HEATR4: variants seen among roughly 807,000 people sequenced by gnomAD.
The protein encoded by HEATR4 is HEAT repeat-containing protein 4.
A neutral mutation model predicts 108.8 loss-of-function variants in HEATR4; 95 were observed. The observed-to-expected ratio is 0.87, with a 90% CI of 0.74 to 1.04. HEATR4 has a LOEUF of 1.04. Ranked by LOEUF, HEATR4 falls within the 50% of genes least tolerant of loss-of-function variation. The pLI is 0.00. For missense variants in HEATR4, 1,152 were observed against 1,253.8 expected, an observed-to-expected ratio of 0.92 and a Z score of 1.23; for synonymous variants, 443 against 459.4, an observed-to-expected ratio of 0.96 and a Z score of 0.46.
chr14:73,563,192 A>C (rs1335501746), upstream of HEATR4, among the ~76,000 whole-genome samples: 2 of 108,554 alleles, frequency 1.8e-5, no homozygotes, highest in East Asian at 3.0e-4. Context: ...TACTGTCTCT[A>C]TTTGTCAGCC....
At chr14:73,546,958 G>T in intron 1 of HEATR4, among the ~76,000 whole-genome samples, 1 of 106,120 alleles carries the variant, frequency 9.4e-6, no homozygotes, top group Admixed American at 1.2e-4. Context: ...GTGGTGGCAT[G>T]TGCCTGTAAT....
chr14:73,487,210 G>A (rs1885487453), intron 17 of HEATR4, among the ~76,000 whole-genome samples: 1 of 147,532 alleles, frequency 6.8e-6, no homozygotes, highest in Non-Finnish European at 1.5e-5. Flanking sequence ...AGAAAGGTAA[G>A]CAATGCTTAA....
At chr14:73,589,451 C>T in the HEATR4 span, among the ~76,000 whole-genome samples, 1 of 152,146 alleles carries the variant, frequency 6.6e-6, no homozygotes, top group Admixed American at 6.5e-5. Context: ...TCCCAGGTAG[C>T]TGAGACTACA....
At chr14:73,501,669 G>A (rs1886472729) in intron 11 of HEATR4, among the ~76,000 whole-genome samples, 1 of 149,714 alleles carries the variant, frequency 6.7e-6, no homozygotes, top group Non-Finnish European at 1.5e-5. Context: ...GGACTTCCTG[G>A]ACCCAGGCAG....
In HEATR4 at chr14:73,495,379, T is replaced by C. The variant is rs1886055263; in HGVS notation, c.2634A>G (p.Thr878=). 8 of 1,613,054 alleles carry C rather than the reference T, an allele frequency of 5.0e-6. No homozygotes were observed. Among genetic ancestry groups the C allele is most frequent in the Non-Finnish European group, 6.8e-6 (8 of 1,179,338 alleles). ...MLQEIKNRIK[T]LSQKDLLTHK... The stretch of plus-strand genomic sequence containing the variant: ...GTGTCAGCAAGTCCTTTTGGCTTAG[T>C]GTTTTAATCTAAATTAGAACAAATA... The change falls in exon 16 of 18, where the codon ACA becomes ACG. Residue 878 remains threonine, a synonymous_variant. Transcript: ENST00000553558.
the HEATR4 span, chr14:73,568,244 G>C: frequency 2.0e-5 from 3 of 151,978 alleles, no homozygotes; most frequent in Non-Finnish European, 4.4e-5. Context: ...GGCAAACACA[G>C]GTTTTGTGGG....
chr14:73,523,172 T>C lies in HEATR4; in HGVS notation c.-20A>G. 2 of 1,552,798 alleles carry C rather than the reference T, an allele frequency of 1.3e-6. No individual in the cohort carries two copies. Among genetic ancestry groups the C allele is most frequent in the South Asian group, 2.3e-5 (2 of 85,510 alleles). On this transcript the variant is annotated 5_prime_UTR_variant, in exon 3 of 18. Transcript: ENST00000553558. The stretch of plus-strand genomic sequence containing the variant: ...GGTCATACCGCGTCCCAGCAAATGC[T>C]TCCTTCCACACTGCCTGGCCTAGAG...
chr14:73,506,804 G>GTTTTTTTTTTTTTTGTTTTTTTT (rs1268314395), intron 9 of HEATR4, among the ~76,000 whole-genome samples: 7 of 80,492 alleles, frequency 8.7e-5, no homozygotes, highest in African/African-American at 2.0e-4. Flanking sequence ...GACTTTAACT[G>GTTTTTTTTTTTTTTGTTTTTTTT]TTTTTTTTTT....
At chr14:73,541,841 T>A (rs1889098131) in intron 1 of HEATR4, 1 of 581,850 alleles carries the variant, frequency 1.7e-6, no homozygotes, top group Admixed American at 4.0e-5. Flanking sequence ...TATAGACAGT[T>A]TCTTTCTTTC....
the HEATR4 span, among the ~76,000 whole-genome samples, chr14:73,613,532 A>G: frequency 6.6e-6 from 1 of 152,152 alleles, no homozygotes; most frequent in African/African-American, 2.4e-5. Flanking sequence ...AACACACACA[A>G]AACTGCCTGA....
the HEATR4 span, chr14:73,569,633 C>A: frequency 6.2e-7 from 1 of 1,602,098 alleles, no homozygotes; most frequent in East Asian, 2.2e-5. Context: ...CCGCGCTGGG[C>A]GGCAGCTTCG....
the HEATR4 span, chr14:73,574,952 T>TGA: frequency 6.2e-7 from 1 of 1,604,076 alleles, no homozygotes; most frequent in Non-Finnish European, 8.5e-7. Context: ...CCAAAGGGGG[T>TGA]GAGCTCTGCC....
the HEATR4 span, among the ~76,000 whole-genome samples, chr14:73,588,297 G>A: frequency 4.6e-5 from 7 of 152,088 alleles, no homozygotes; most frequent in East Asian, 1.9e-4. Flanking sequence ...ACCGAGCCCG[G>A]CCTATCTCTC....
At chr14:73,603,271 G>A in the HEATR4 span, among the ~76,000 whole-genome samples, 1 of 152,180 alleles carries the variant, frequency 6.6e-6, no homozygotes, top group African/African-American at 2.4e-5. Flanking sequence ...AAATAATTTG[G>A]CAAACCTAAT....
the HEATR4 span, chr14:73,591,819 A>T: frequency 1.3e-6 from 1 of 768,174 alleles, no homozygotes. Context: ...CTGAAGTCCC[A>T]GGGGCTTTCT....
At chr14:73,513,179 C>G (rs1198001077) in intron 6 of HEATR4, among the ~76,000 whole-genome samples, 4 of 152,232 alleles carry the variant, frequency 2.6e-5, no homozygotes, top group Non-Finnish European at 5.9e-5. Flanking sequence ...ATAGGGTCGC[C>G]TGGGTGCAGT....
At chr14:73,570,295 C>A in the HEATR4 span, among the ~76,000 whole-genome samples, 3 of 151,770 alleles carry the variant, frequency 2.0e-5, no homozygotes, top group Non-Finnish European at 4.4e-5. Flanking sequence ...AAGGGCCAGG[C>A]GCAGTGGCTC....
In HEATR4 at chr14:73,522,745, C is replaced by T; in HGVS notation, c.408G>A (p.Val136=). Residue 136 remains valine (V), a synonymous_variant, in exon 3 of 18, where the codon GTG becomes GTA. Coordinates refer to ENST00000553558, the MANE Select transcript of HEATR4 (RefSeq NM_001220484.1). ...CGGGATTGGCAGAGCTTTCTGTCTT[C>T]ACAGCCAGGGAGGTGTCTCCTGTTA... is the stretch of plus-strand genomic sequence containing the variant. ...SPLTGDTSLA[V]KTESSANPEK... is the part of the protein sequence containing the mutation. The T allele has an allele frequency of 6.2e-7, 1 of 1,614,230 alleles. No individual in the cohort carries two copies. Among genetic ancestry groups the T allele is most frequent in the Non-Finnish European group, 8.5e-7 (1 of 1,180,032 alleles).
At chr14:73,589,827 CAG>C in the HEATR4 span, among the ~76,000 whole-genome samples, 15 of 151,798 alleles carry the variant, frequency 9.9e-5, no homozygotes, top group South Asian at 2.1e-3. Flanking sequence ...CCCATGTGCT[CAG>C]AGTTTGTTCC....
Sources: allele counts gnomAD v4.1 joint callset (sites outside exome capture counted in the v4.1 genomes callset), GRCh38; gene constraint gnomAD v4.1.1; transcripts MANE v1.5; gene names NCBI Gene and HGNC (gene_info 2026-07-23, HGNC 2026-07-21).